The following BROX variants were observed in gnomAD, a reference collection of about 807,000 sequenced individuals.
BROX encodes the protein BRO1 domain-containing protein BROX.
In BROX, 53 loss-of-function variants were observed where a neutral mutation model predicts 61.0. The observed-to-expected ratio is 0.87, with a 90% CI of 0.70 to 1.09. The LOEUF (loss-of-function observed/expected upper bound fraction) is 1.09. BROX is among the 50% of genes least tolerant of loss of function. The probability of loss-of-function intolerance (pLI) is 0.00; values close to 1 mark genes in which losing one functional copy is unlikely to be tolerated. For missense variants in BROX, 489 were observed against 472.0 expected, an observed-to-expected ratio of 1.04 and a Z score of -0.33; for synonymous variants, 152 against 160.2, an observed-to-expected ratio of 0.95 and a Z score of 0.38.
Position 222,719,369 on chromosome 1 carries a change from A to G in BROX, c.305+10A>G. 2 of 1,570,668 alleles carry G rather than the reference A, an allele frequency of 1.3e-6. No individual in the cohort carries two copies. The highest frequency in any genetic ancestry group is 1.8e-6 in the Non-Finnish European group (2 of 1,141,890). On this transcript the variant is annotated intron_variant, in intron 4 of 12. Transcript: ENST00000340934. The stretch of plus-strand genomic sequence containing the variant: ...AAGGACAGGTTCCAAGGTAAGCAAC[A>G]CTAAAGTAATACTAAATTGGAGCCA...
At chr1:222,731,299 A>G in intron 11 of BROX, 58 bp from the exon 12 acceptor site, 1 of 1,419,114 alleles carries the variant, frequency 7.0e-7, no homozygotes, top group Middle Eastern at 1.8e-4. Context: ...CCTTGAACAT[A>G]TTAGGCACTC....
At chr1:222,730,921 A>G (rs182361407) in intron 11 of BROX, among the ~76,000 whole-genome samples, 5 of 152,248 alleles carry the variant, frequency 3.3e-5, no homozygotes, top group Admixed American at 3.3e-4. Context: ...CTTTTTTTCA[A>G]GAGGTTTTCC....
In BROX at chr1:222,712,951, G is replaced by C; in HGVS notation, c.-17+9G>C. The C allele has an allele frequency of 8.4e-7, 1 of 1,187,162 alleles. No individual in the cohort carries two copies. Among genetic ancestry groups the C allele is most frequent in the Non-Finnish European group, 1.1e-6 (1 of 937,486 alleles). The allele number at this position is 1,187,162 out of a possible 1,614,324, so 73.5% of individuals were successfully genotyped here. ...CGACTCTGAGAAATTTGGTAAGTAT[G>C]TCAGAGGATGGGTGTTTCTCAGTAA... On this transcript the variant is annotated intron_variant, in intron 1 of 12. Transcript: ENST00000340934.
chr1:222,718,016 G>C (rs879064204), intron 2 of BROX: 1 of 152,114 alleles, frequency 6.6e-6, no homozygotes, highest in Non-Finnish European at 1.5e-5. Flanking sequence ...TTCTGGATTC[G>C]ATTTGGAACT....
At position 222,719,405 on chromosome 1, in the gene BROX, C is replaced by CT. The variant is rs758983309; in HGVS notation, c.305+47dup. On this transcript the variant is annotated intron_variant, in intron 4 of 12. Transcript: ENST00000340934. ...ACTAAATTGGAGCCAGTTTTTGTAA[C>CT]TATGTAGCCAGTGGTTAACTCATAG... 5.2e-6 allele frequency: 7 copies of CT among 1,353,600 alleles called. No homozygotes were observed. In the African/African-American group the frequency reaches 8.6e-5, roughly 17 times the overall value. 83.8% of individuals were successfully genotyped at this position (1,353,600 alleles called of 1,614,324 possible).
At position 222,722,425 on chromosome 1, in the gene BROX, G is replaced by A. The variant is rs760999205; in HGVS notation, c.312G>A (p.Gln104=). 1.1e-5 allele frequency: 17 copies of A among 1,611,670 alleles called. No individual in the cohort carries two copies. The East Asian group carries it at 3.8e-4, about 36-fold the overall frequency. ...DTLQGQVPSA[Q]QDAVFELISM... ...ATCATGTTTATAATTCCAGTGCCCA[G>A]CAGGATGCTGTTTTTGAATTAATTT... The change falls in exon 5 of 13, where the codon CAG becomes CAA. Residue 104 remains glutamine (Q), a synonymous_variant. Coordinates refer to ENST00000340934, the MANE Select transcript of BROX (RefSeq NM_144695.4).
Position 222,733,962 on chromosome 1 carries a change from C to G in BROX, c.*1248C>G, listed in dbSNP as rs1187808318. On this transcript the variant is annotated 3_prime_UTR_variant, in exon 13 of 13. Coordinates refer to ENST00000340934, the MANE Select transcript of BROX (RefSeq NM_144695.4). ...GTAAGATGCCTTTGTTACCTGATTT[C>G]AGTGTACATTGTTTTTATGTGGTTT... 1.3e-5 allele frequency: 2 copies of G among 152,174 alleles called. No individual in the cohort carries two copies. Among genetic ancestry groups the G allele is most frequent in the Non-Finnish European group, 2.9e-5 (2 of 68,014 alleles). The allele number at this position is 152,174 out of a possible 1,614,324, so 9.4% of individuals were successfully genotyped here.
At chr1:222,726,334 G>A (rs1161682606) in intron 7 of BROX, among the ~76,000 whole-genome samples, 1 of 152,188 alleles carries the variant, frequency 6.6e-6, no homozygotes, top group Admixed American at 6.5e-5. Context: ...GGGAGGCCGA[G>A]GCAGGAGAAT....
intron 9 of BROX, 121 bp downstream of exon 9, chr1:222,728,949 T>G: frequency 1.6e-6 from 1 of 611,804 alleles, no homozygotes; most frequent in Non-Finnish European, 2.7e-6. Context: ...CAGCTAACTC[T>G]CAGTAAATGT....
At chr1:222,728,414 T>C (rs1240426450) in intron 8 of BROX, among the ~76,000 whole-genome samples, 2 of 152,194 alleles carry the variant, frequency 1.3e-5, no homozygotes, top group African/African-American at 4.8e-5. Flanking sequence ...TTTTGCTATA[T>C]TATATAAGTT....
intron 1 of BROX, among the ~76,000 whole-genome samples, chr1:222,714,527 AT>A (rs529545113): frequency 5.4e-4 from 76 of 140,214 alleles, no homozygotes; most frequent in South Asian, 2.5e-3. Flanking sequence ...ATGGAACTTA[AT>A]TTTTTTTTTA....
At position 222,732,860 on chromosome 1, in the gene BROX, A is replaced by AATG; in HGVS notation, c.*148_*149insGAT. The AATG allele has an allele frequency of 1.6e-6, 1 of 622,402 alleles. No individual in the cohort carries two copies. The highest frequency in any genetic ancestry group is 2.7e-6 in the Non-Finnish European group (1 of 364,242). The allele number at this position is 622,402 out of a possible 1,614,324, so 38.6% of individuals were successfully genotyped here. The stretch of plus-strand genomic sequence containing the variant: ...ATCTGCCTTCAGCTTACTTGTTCTT[A>AATG]ATTTTTAATACAGCGGAGATGTTTC... On this transcript the variant is annotated 3_prime_UTR_variant, in exon 13 of 13. Transcript: ENST00000340934.
chr1:222,730,135 T>C lies in BROX; in HGVS notation c.947T>C (p.Val316Ala), dbSNP rs1657827974. The C allele has an allele frequency of 6.2e-7, 1 of 1,612,146 alleles. No homozygotes were observed. Among genetic ancestry groups the C allele is most frequent in the Admixed American group, 1.7e-5 (1 of 59,792 alleles). ...HLFFRKLGNL[V>A]KNTLEKCQRE... ...TTCTTTAGGAAACTTGGAAACCTTGTGAAGAACACCCTAGAAAAATGTCAG... is the reference window on the plus strand; with the variant it reads ...TTCTTTAGGAAACTTGGAAACCTTGCGAAGAACACCCTAGAAAAATGTCAG... The change falls in exon 11 of 13, where the codon GTG becomes GCG. Residue 316 changes from valine (V) to alanine (A), a missense_variant. Val to Ala is a moderately conservative substitution (Grantham distance 64). Coordinates refer to ENST00000340934, the MANE Select transcript of BROX (RefSeq NM_144695.4).
At chr1:222,714,199 A>G (rs1656344423) in intron 1 of BROX, among the ~76,000 whole-genome samples, 1 of 150,342 alleles carries the variant, frequency 6.7e-6, no homozygotes, top group African/African-American at 2.5e-5. Context: ...CATTTAGACA[A>G]GACATGCTGC....
chr1:222,728,020 T>C (rs1487096494), intron 8 of BROX, among the ~76,000 whole-genome samples: 1 of 152,144 alleles, frequency 6.6e-6, no homozygotes. Context: ...GAGAAGAGTT[T>C]GAAAAAGTAT....
At chr1:222,718,809 G>A (rs1023154354) in intron 2 of BROX, 116 bp from the exon 3 acceptor site, 36 of 758,156 alleles carry the variant, frequency 4.7e-5, no homozygotes, top group Non-Finnish European at 8.2e-5. Context: ...TTGAAACCTG[G>A]TGCGTGTGTG....
In BROX at chr1:222,731,344, T is replaced by C; in HGVS notation, c.990-13T>C. On this transcript the variant is annotated splice_polypyrimidine_tract_variant and intron_variant, in intron 11 of 12. Transcript: ENST00000340934. ...ACAAATGAATGAATTGCTATTTAAA[T>C]TATTTTTTGCAGTTACTTTCAAAAA... is the stretch of plus-strand genomic sequence containing the variant. 6.4e-7 allele frequency: 1 copy of C among 1,555,352 alleles called. No homozygotes were observed. Among genetic ancestry groups the C allele is most frequent in the Non-Finnish European group, 8.6e-7 (1 of 1,160,198 alleles).
At chr1:222,729,837 GA>G (rs1657805121) in intron 10 of BROX, 136 bp downstream of exon 10, 2 of 1,072,110 alleles carry the variant, frequency 1.9e-6, no homozygotes, top group Non-Finnish European at 2.7e-6. Context: ...TTGGAGAAAA[GA>G]AAAAAATGTT....
At chr1:222,724,021 T>G (rs1226996564) in intron 5 of BROX, 71 bp from the exon 6 acceptor site, 17 of 1,036,882 alleles carry the variant, frequency 1.6e-5, no homozygotes, top group Non-Finnish European at 2.2e-5. Context: ...TGTATAATAA[T>G]GTATTGGTTG....
Sources: allele counts gnomAD v4.1 joint callset (sites outside exome capture counted in the v4.1 genomes callset), GRCh38; gene constraint gnomAD v4.1.1; transcripts MANE v1.5; gene names NCBI Gene and HGNC (gene_info 2026-07-23, HGNC 2026-07-21).